The following PAX2 variants were observed in gnomAD, a reference collection of about 807,000 sequenced individuals.
PAX2 encodes the protein paired box protein Pax-2.
PAX2 carries 9 observed loss-of-function variants against 41.7 expected under a neutral mutation model. That is an observed-to-expected ratio of 0.22 (90% CI 0.13 to 0.38). PAX2 has a LOEUF of 0.38. Among genes scored for constraint, PAX2 ranks in the 10% least tolerant of loss-of-function variants. The probability of loss-of-function intolerance (pLI) is 1.00; values close to 1 mark genes in which losing one functional copy is unlikely to be tolerated. For synonymous variants in PAX2, 221 were observed against 212.7 expected (o/e 1.04, Z -0.34); for missense variants, 418 against 531.6 (o/e 0.79, Z 2.10).
rs533070918 is a variant in PAX2 at position 100,827,093 on chromosome 10, T to G, written c.1106T>G (p.Leu369Arg). ...TGGAGATTCAGCAACCCCGCCTTAC[T>G]AAGTGAGTACGCCACCTGGCTGGCC... ...EAWRFSNPAL[L>R]SSPYYYSAAP... Residue 369 changes from leucine to arginine, a missense_variant and splice_region_variant, in exon 9 of 10, where the codon CTA becomes CGA. Physicochemically the swap from Leu to Arg is moderately radical, Grantham distance 102 (BLOSUM62 -2). This residue lies in a region of PAX2 where 310 missense variants were observed against 325.2 expected (regional missense o/e 0.95). Coordinates refer to ENST00000355243, the MANE Select transcript of PAX2 (RefSeq NM_000278.5). This position sits in a 1 kb window ranked among gnomAD's most constrained non-coding sequence, Gnocchi z 8.5. 3 of 1,610,708 alleles carry G rather than the reference T, an allele frequency of 1.9e-6. No homozygotes were observed. The highest frequency in any genetic ancestry group is 2.5e-6 in the Non-Finnish European group (3 of 1,176,984).
intron 3 of PAX2, among the ~76,000 whole-genome samples, chr10:100,769,404 G>A (rs929008202): frequency 1.3e-5 from 2 of 152,008 alleles, no homozygotes; most frequent in Non-Finnish European, 2.9e-5. Context: ...GAGGTGGGAG[G>A]ATTACTTGAG....
chr10:100,796,458 A>G (rs1249331744), intron 5 of PAX2, among the ~76,000 whole-genome samples: 1 of 152,178 alleles, frequency 6.6e-6, no homozygotes, highest in Non-Finnish European at 1.5e-5. Flanking sequence ...TGGGATCATC[A>G]TATTTTAAAG....
chr10:100,781,344 G>A lies in PAX2; in HGVS notation c.595G>A (p.Glu199Lys), dbSNP rs1262508509. ...GILGIPRSNG[E>K]KRKRDEDVSE... ...CCTGGGGATTCCTCGCTCCAATGGTGAGAAGAGGAAACGTGATGAAGGTAG... is the reference window on the plus strand; with the variant it reads ...CCTGGGGATTCCTCGCTCCAATGGTAAGAAGAGGAAACGTGATGAAGGTAG... The change falls in exon 5 of 10, where the codon GAG becomes AAG. Residue 199 changes from glutamate to lysine, a missense_variant. By Grantham distance (56) the Glu-to-Lys change is moderately conservative (BLOSUM62 1). This residue lies in a region of PAX2 where 310 missense variants were observed against 325.2 expected (regional missense o/e 0.95). Coordinates refer to ENST00000355243, the MANE Select transcript of PAX2 (RefSeq NM_000278.5). 1 of 1,614,146 alleles carries A rather than the reference G, an allele frequency of 6.2e-7. No homozygotes were observed. The highest frequency in any genetic ancestry group is 2.2e-5 in the East Asian group (1 of 44,880).
At chr10:100,806,309 G>A in intron 5 of PAX2, 121 bp from the exon 6 acceptor site, 2 of 997,988 alleles carry the variant, frequency 2.0e-6, no homozygotes, top group South Asian at 1.3e-5. Context: ...TGAGAGTAAG[G>A]GGTCCCATAG....
intron 5 of PAX2, among the ~76,000 whole-genome samples, chr10:100,799,430 G>A (rs1847461259): frequency 6.6e-6 from 1 of 152,172 alleles, no homozygotes; most frequent in Admixed American, 6.5e-5. Flanking sequence ...CAAGCATTCT[G>A]TGAAGACTGT....
intron 1 of PAX2, among the ~76,000 whole-genome samples, chr10:100,746,612 TG>T (rs1423151020): frequency 6.6e-6 from 1 of 152,208 alleles, no homozygotes; most frequent in Non-Finnish European, 1.5e-5. Context: ...CTCGGAGCCC[TG>T]GTTCCAGCCA....
At chr10:100,770,881 A>G (rs1846184747) in intron 3 of PAX2, among the ~76,000 whole-genome samples, 1 of 152,244 alleles carries the variant, frequency 6.6e-6, no homozygotes, top group African/African-American at 2.4e-5. Flanking sequence ...GTGGATCGAT[A>G]GAGTATGAGA....
chr10:100,735,630 G>T (rs1844760316), exon 1 of PAX2: 1 of 1,041,206 alleles, frequency 9.6e-7, no homozygotes, highest in Non-Finnish European at 1.2e-6. Flanking sequence ...GGCGGCGAAG[G>T]CGAGACGCGT....
intron 5 of PAX2, among the ~76,000 whole-genome samples, chr10:100,793,484 C>G (rs892113183): frequency 6.6e-6 from 1 of 152,244 alleles, no homozygotes; most frequent in African/African-American, 2.4e-5. Flanking sequence ...TCGCACACAT[C>G]TAGGCTGGCT....
At chr10:100,825,639 T>C (rs978189312) in intron 8 of PAX2, among the ~76,000 whole-genome samples, 3 of 152,130 alleles carry the variant, frequency 2.0e-5, no homozygotes, top group Admixed American at 6.6e-5. Context: ...GGCCTTTCCC[T>C]GAAGTTCAAC....
rs1848587450 is a variant in PAX2, at chr10:100,826,890, C to A, written c.1022-119C>A. ...CCCGCCCGCCACGGCCATTACCCTG[C>A]CCGCGACACCTGCGCCTGAGACCCG... is the stretch of plus-strand genomic sequence containing the variant. On this transcript the variant is annotated intron_variant, in intron 8 of 9. Coordinates refer to ENST00000355243, the MANE Select transcript of PAX2 (RefSeq NM_000278.5). This position sits in a 1 kb window ranked among gnomAD's most constrained non-coding sequence, Gnocchi z 5.5. 1 of 738,458 alleles carries A rather than the reference C, an allele frequency of 1.4e-6. No homozygotes were observed. The highest frequency in any genetic ancestry group is 2.4e-6 in the Non-Finnish European group (1 of 414,008). 45.7% of individuals were successfully genotyped at this position (738,458 alleles called of 1,614,324 possible).
Position 100,824,738 on chromosome 10 carries a change from G to T in PAX2, c.1010G>T (p.Gly337Val). Residue 337 changes from glycine to valine, a missense_variant, in exon 8 of 10, where the codon GGA (glycine) becomes GTA (valine). Physicochemically the swap from Gly to Val is moderately radical, Grantham distance 109. Coordinates refer to ENST00000355243, the MANE Select transcript of PAX2 (RefSeq NM_000278.5). The surrounding 1 kb of genome is among the most constrained non-coding windows in gnomAD (Gnocchi z 6.6). ...AGCTACCCCACCTCCACCCTGGCAGGAATGGTGCCTGGTAGGTGACAATGC... is the reference window on the plus strand; with the variant it reads ...AGCTACCCCACCTCCACCCTGGCAGTAATGGTGCCTGGTAGGTGACAATGC... ...QGSYPTSTLAGMVPGSEFSGN... is the reference protein window; with the variant it reads ...QGSYPTSTLAVMVPGSEFSGN... The T allele has an allele frequency of 6.2e-7, 1 of 1,602,072 alleles. No individual in the cohort carries two copies. Among genetic ancestry groups the T allele is most frequent in the Non-Finnish European group, 8.6e-7 (1 of 1,169,146 alleles).
chr10:100,786,064 G>A lies in PAX2; in HGVS notation c.616+4699G>A, dbSNP rs1846845231. ...GTATCTGGGAAAGAAAGCCTAATTG[G>A]CAGGTTTATGTTTCATGAGGAAATG... is the stretch of plus-strand genomic sequence containing the variant. On this transcript the variant is annotated intron_variant, in intron 5 of 9. Coordinates refer to ENST00000355243, the MANE Select transcript of PAX2 (RefSeq NM_000278.5). Among the ~76,000 whole-genome samples, 2 of 152,324 alleles carry A rather than the reference G, an allele frequency of 1.3e-5. 1 individual carries two copies. The highest frequency in any genetic ancestry group is 4.1e-4 in the South Asian group (2 of 4,828).
chr10:100,827,167 C>A lies in PAX2; in HGVS notation c.1108+72C>A. On this transcript the variant is annotated intron_variant, in intron 9 of 9. Coordinates refer to ENST00000355243, the MANE Select transcript of PAX2 (RefSeq NM_000278.5). The surrounding 1 kb of genome is among the most constrained non-coding windows in gnomAD (Gnocchi z 8.5). ...CTTCTGGGCACGGTCCCACTCCCGG[C>A]GACCCGACCTCTGGGGACCCGGCCG... The A allele has an allele frequency of 8.0e-7, 1 of 1,257,380 alleles. No individual in the cohort carries two copies. The highest frequency in any genetic ancestry group is 1.2e-6 in the Non-Finnish European group (1 of 862,884). The allele number at this position is 1,257,380 out of a possible 1,614,324, so 77.9% of individuals were successfully genotyped here.
At chr10:100,763,005 G>A (rs1209392567) in intron 3 of PAX2, among the ~76,000 whole-genome samples, 1 of 152,234 alleles carries the variant, frequency 6.6e-6, no homozygotes, top group Admixed American at 6.5e-5. Context: ...GTTTTTAAAG[G>A]TCTTTAAACA....
At chr10:100,786,353 A>G (rs1012786031) in intron 5 of PAX2, among the ~76,000 whole-genome samples, 10 of 152,242 alleles carry the variant, frequency 6.6e-5, no homozygotes, top group African/African-American at 2.4e-4. Flanking sequence ...AAATAAATAA[A>G]CATAAGATCC....
At chr10:100,805,356 C>T (rs940970151) in intron 5 of PAX2, among the ~76,000 whole-genome samples, 1 of 152,184 alleles carries the variant, frequency 6.6e-6, no homozygotes, top group South Asian at 2.1e-4. Context: ...TGGGCTGGCC[C>T]CAGGCCCAAG....
chr10:100,735,831 C>G, intron 1 of PAX2: 1 of 814,026 alleles, frequency 1.2e-6, no homozygotes, highest in Non-Finnish European at 1.5e-6. Context: ...TCTTTCATCC[C>G]TGTGCTCAGT....
upstream of PAX2, among the ~76,000 whole-genome samples, chr10:100,741,437 T>C (rs1423013439): frequency 2.7e-4 from 25 of 93,896 alleles, no homozygotes; most frequent in African/African-American, 5.0e-4. Flanking sequence ...AAAACCATCC[T>C]CCAACGTGAC....
Sources: allele counts gnomAD v4.1 joint callset (sites outside exome capture counted in the v4.1 genomes callset), GRCh38; gene constraint gnomAD v4.1.1; regional missense constraint gnomAD v4.1.1; non-coding constraint Gnocchi (gnomAD v3.1); transcripts MANE v1.5; gene names NCBI Gene and HGNC (gene_info 2026-07-23, HGNC 2026-07-21).